The following COL25A1 variants were observed in gnomAD, a reference collection of about 807,000 sequenced individuals.
The protein encoded by COL25A1 is collagen alpha-1(XXV) chain.
COL25A1 carries 103 observed loss-of-function variants against 128.4 expected under a neutral mutation model. The ratio of observed to expected loss-of-function variants is 0.80; its 90% CI spans 0.68 to 0.94. The LOEUF is 0.94. COL25A1 is among the 40% of genes least tolerant of loss of function. The pLI is 0.00. For missense variants in COL25A1, 745 were observed against 840.0 expected, an observed-to-expected ratio of 0.89 and a Z score of 1.40; for synonymous variants, 279 against 277.2, an observed-to-expected ratio of 1.01 and a Z score of -0.06.
At chr4:108,859,082 G>T (rs1003934693) in intron 24 of COL25A1, among the ~76,000 whole-genome samples, 4 of 152,136 alleles carry the variant, frequency 2.6e-5, no homozygotes, top group Non-Finnish European at 5.9e-5. Context: ...AAGAAGAAAA[G>T]AATTATATGG....
At chr4:108,960,604 T>A (rs1435018067) in intron 8 of COL25A1, among the ~76,000 whole-genome samples, 7 of 152,142 alleles carry the variant, frequency 4.6e-5, no homozygotes, top group African/African-American at 1.4e-4. Context: ...AAGGACTACG[T>A]TAGAGCCCCC....
chr4:109,235,310 T>G (rs1025294193), intron 3 of COL25A1, among the ~76,000 whole-genome samples: 3 of 152,092 alleles, frequency 2.0e-5, no homozygotes, highest in Non-Finnish European at 4.4e-5. Context: ...CAAAATCTGG[T>G]TAATAAGACA....
At chr4:109,266,457 C>T (rs1195727468) in intron 3 of COL25A1, among the ~76,000 whole-genome samples, 1 of 152,034 alleles carries the variant, frequency 6.6e-6, no homozygotes, top group Non-Finnish European at 1.5e-5. Context: ...AGCAGTGTAA[C>T]AGAATGTTCT....
chr4:109,060,774 A>G (rs1191035445), intron 3 of COL25A1, among the ~76,000 whole-genome samples: 1 of 151,780 alleles, frequency 6.6e-6, no homozygotes, highest in African/African-American at 2.4e-5. Flanking sequence ...ACAATTTTTC[A>G]TTCGCCCGAG....
At chr4:108,989,279 GCA>G (rs1178362885) in intron 6 of COL25A1, among the ~76,000 whole-genome samples, 1 of 152,228 alleles carries the variant, frequency 6.6e-6, no homozygotes, top group African/African-American at 2.4e-5. Context: ...TTTGTGCAGT[GCA>G]CAGTGTGCAC....
At chr4:109,047,981 C>T (rs555021270) in intron 5 of COL25A1, among the ~76,000 whole-genome samples, 187 bp downstream of exon 5, 1 of 152,196 alleles carries the variant, frequency 6.6e-6, no homozygotes, top group African/African-American at 2.4e-5. Flanking sequence ...ATCCACCCGC[C>T]TCGGCCTCCC....
chr4:109,170,517 A>C (rs1180761686), intron 3 of COL25A1, among the ~76,000 whole-genome samples: 2 of 152,154 alleles, frequency 1.3e-5, no homozygotes, highest in Non-Finnish European at 2.9e-5. Context: ...ACAAATAAAC[A>C]AAAAACCTGG....
chr4:109,206,761 A>G (rs973539856), intron 3 of COL25A1, among the ~76,000 whole-genome samples: 13 of 152,190 alleles, frequency 8.5e-5, no homozygotes, highest in Non-Finnish European at 1.5e-5. Flanking sequence ...CATTTCAGTC[A>G]ACTTCAAATG....
intron 3 of COL25A1, among the ~76,000 whole-genome samples, chr4:109,285,522 G>C (rs1042214459): frequency 6.6e-6 from 1 of 152,116 alleles, no homozygotes; most frequent in African/African-American, 2.4e-5. Flanking sequence ...CCAAGGCAGC[G>C]TTGTCCCTTG....
chr4:109,048,268 T>A (rs1760641918), intron 4 of COL25A1, 93 bp from the exon 5 acceptor site: 3 of 1,224,568 alleles, frequency 2.4e-6, no homozygotes, highest in Non-Finnish European at 3.6e-6. Context: ...AGCATAATCA[T>A]CAGCATGACA....
At position 109,139,068 on chromosome 4, in the gene COL25A1, AG is replaced by A. The variant is rs375330621; in HGVS notation, c.368-88890del. Among the ~76,000 whole-genome samples the A allele has an allele frequency of 5.7e-3, 861 of 152,280 alleles. 11 individuals carry two copies. The highest frequency in any genetic ancestry group is 0.02 in the African/African-American group (815 of 41,544). The stretch of plus-strand genomic sequence containing the variant: ...TTTGATTTGCATTTCTCTAATGACC[AG>A]TGATGATGAGCTTTTTTTCATATGT... On this transcript the variant is annotated intron_variant, in intron 3 of 37. Transcript: ENST00000399132.
At chr4:108,866,396 T>C (rs1249691596) in intron 20 of COL25A1, among the ~76,000 whole-genome samples, 2 of 152,122 alleles carry the variant, frequency 1.3e-5, no homozygotes, top group Non-Finnish European at 2.9e-5. Context: ...TCTCATCATG[T>C]TGCCCAGGCT....
rs143793383 is a variant in COL25A1 at position 109,024,342 on chromosome 4, C to T, written c.421-13967G>A. Among the ~76,000 whole-genome samples the T allele has an allele frequency of 4.0e-3, 608 of 151,912 alleles. 4 individuals carry two copies. The highest frequency in any genetic ancestry group is 6.9e-3 in the Non-Finnish European group (468 of 67,954). ...TAACACTAAAAATGCAGTGTTATTC[C>T]AATTATCAACTTTATATATATTTAT... On this transcript the variant is annotated intron_variant, in intron 5 of 37. Coordinates refer to ENST00000399132, the MANE Select transcript of COL25A1 (RefSeq NM_198721.4).
chr4:109,204,966 CA>C (rs1315916216), intron 3 of COL25A1, among the ~76,000 whole-genome samples: 1 of 152,138 alleles, frequency 6.6e-6, no homozygotes, highest in Non-Finnish European at 1.5e-5. Flanking sequence ...AATGCTTCCA[CA>C]AAACTTTACT....
At position 109,302,325 on chromosome 4, in the gene COL25A1, A is replaced by G. The variant is rs1578680980; in HGVS notation, c.-213T>C. 1 of 354,570 alleles carries G rather than the reference A, an allele frequency of 2.8e-6. No homozygotes were observed. The highest frequency in any genetic ancestry group is 4.8e-5 in the East Asian group (1 of 21,008). 22.0% of individuals were successfully genotyped at this position (354,570 alleles called of 1,614,324 possible). On this transcript the variant is annotated 5_prime_UTR_variant, in exon 1 of 38. Transcript: ENST00000399132. The stretch of plus-strand genomic sequence containing the variant: ...CACCCAGACAGCTCTTCCGACTCCC[A>G]GAGGACCGACACCTCTTTCGAGGGC...
chr4:108,871,518 G>A (rs1038999640), intron 19 of COL25A1, among the ~76,000 whole-genome samples: 3 of 152,048 alleles, frequency 2.0e-5, no homozygotes, highest in African/African-American at 7.2e-5. Context: ...GGGTTTCACC[G>A]TGTTAGCCAG....
chr4:109,059,634 G>A (rs1761766174), intron 3 of COL25A1, among the ~76,000 whole-genome samples: 1 of 152,132 alleles, frequency 6.6e-6, no homozygotes. Context: ...TTCATACACT[G>A]AGAACACTCA....
chr4:109,142,523 T>C (rs1770513337), intron 3 of COL25A1, among the ~76,000 whole-genome samples: 1 of 152,026 alleles, frequency 6.6e-6, no homozygotes, highest in South Asian at 2.1e-4. Flanking sequence ...TGTTAAAGTC[T>C]CCCACTATTA....
At chr4:108,990,239 AATATATATATATATAT>A (rs1331433908) in intron 6 of COL25A1, among the ~76,000 whole-genome samples, 25 of 26,354 alleles carry the variant, frequency 9.5e-4, no homozygotes, top group East Asian at 8.8e-3. Flanking sequence ...AAAAAAAAAA[AATATATATATATATAT>A]ATATATATAT....
Sources: gnomAD v4.1 joint callset for allele counts (sites outside exome capture counted in the v4.1 genomes callset) on GRCh38, gnomAD v4.1.1 for gene constraint, MANE v1.5 for transcripts, NCBI Gene and HGNC (gene_info 2026-07-23, HGNC 2026-07-21) for gene names.